Variants in FOXP2 observed in about 807,000 individuals in gnomAD.
FOXP2 encodes the protein forkhead box protein P2.
FOXP2 carries 12 observed loss-of-function variants against 115.8 expected under a neutral mutation model. The ratio of observed to expected loss-of-function variants is 0.10; its 90% CI spans 0.07 to 0.17. FOXP2 has a LOEUF of 0.17. Among genes scored for constraint, FOXP2 ranks in the 10% least tolerant of loss-of-function variants. The pLI is 1.00. For synonymous variants in FOXP2, 328 were observed against 297.7 expected, an observed-to-expected ratio of 1.10 and a Z score of -1.05; for missense variants, 629 against 843.5, an observed-to-expected ratio of 0.75 and a Z score of 3.15.
intron 1 of FOXP2, among the ~76,000 whole-genome samples, chr7:114,262,455 C>G (rs574531331): frequency 1.3e-5 from 2 of 152,162 alleles, no homozygotes; most frequent in African/African-American, 4.8e-5. Context: ...TGGGATCATT[C>G]ATACCCTAAA....
At chr7:114,166,236 A>T (rs1325524508) in intron 1 of FOXP2, among the ~76,000 whole-genome samples, 1 of 152,162 alleles carries the variant, frequency 6.6e-6, no homozygotes, top group Non-Finnish European at 1.5e-5. Context: ...AATATGATCC[A>T]TGAAAAAAAT....
intron 2 of FOXP2, among the ~76,000 whole-genome samples, chr7:114,466,726 T>C (rs1795813608): frequency 6.6e-6 from 1 of 152,180 alleles, no homozygotes. Context: ...TTCCATATTT[T>C]AGGAATCGTT....
At chr7:114,144,477 A>T (rs1457477321) in intron 1 of FOXP2, among the ~76,000 whole-genome samples, 1 of 152,124 alleles carries the variant, frequency 6.6e-6, no homozygotes, top group Admixed American at 6.6e-5. Context: ...AAATATGAGC[A>T]TCATCTTCAG....
chr7:114,570,974 C>A, intron 3 of FOXP2: 1 of 1,021,344 alleles, frequency 9.8e-7, no homozygotes, highest in South Asian at 1.3e-5. Context: ...TTTCTATAGC[C>A]AATCCCTTCC....
chr7:114,288,584 A>G (rs1189174136), intron 2 of FOXP2, among the ~76,000 whole-genome samples: 6 of 151,818 alleles, frequency 4.0e-5, no homozygotes, highest in South Asian at 4.1e-4. Context: ...AGAAAATTTG[A>G]TTTTTCTAAT....
intron 3 of FOXP2, among the ~76,000 whole-genome samples, chr7:114,617,258 C>T (rs534892366): frequency 6.6e-6 from 1 of 152,240 alleles, no homozygotes; most frequent in Non-Finnish European, 1.5e-5. Flanking sequence ...TTTCAGATGC[C>T]TTTGAATCTC....
chr7:114,240,603 T>C (rs1274898644), intron 1 of FOXP2, among the ~76,000 whole-genome samples: 1 of 152,080 alleles, frequency 6.6e-6, no homozygotes, highest in East Asian at 1.9e-4. Context: ...TTCAATCATT[T>C]GTTATTCTAT....
intron 2 of FOXP2, among the ~76,000 whole-genome samples, chr7:114,524,455 C>T (rs1798767068): frequency 6.6e-6 from 1 of 151,910 alleles, no homozygotes; most frequent in Non-Finnish European, 1.5e-5. Flanking sequence ...ATAAAAGTCC[C>T]TTCAGTTATA....
chr7:114,407,559 C>G (rs973635527), intron 2 of FOXP2, among the ~76,000 whole-genome samples: 8 of 151,990 alleles, frequency 5.3e-5, no homozygotes, highest in African/African-American at 1.7e-4. Flanking sequence ...GTGAGAGGCA[C>G]TAGATTACAA....
rs398005920 is a variant in FOXP2 at position 114,378,684 on chromosome 7, C to CAAAAAA, written c.-10-47806_-10-47801dup. 3.6e-3 allele frequency among the ~76,000 whole-genome samples: 65 copies of CAAAAAA among 18,096 alleles called. 6 individuals are homozygous for CAAAAAA. In the East Asian group the frequency reaches 0.13, roughly 35 times the overall value. 11.9% of individuals were successfully genotyped at this position (18,096 alleles called of 152,430 possible). ...GTGAGACAATGTAAGACCCTGTCTC[C>CAAAAAA]AAAAAAAAAAAAAAAAAGGAAAAGA... On this transcript the variant is annotated intron_variant, in intron 2 of 17. Transcript: ENST00000634411.
At chr7:114,486,275 C>T (rs1180698124) in intron 2 of FOXP2, among the ~76,000 whole-genome samples, 1 of 152,064 alleles carries the variant, frequency 6.6e-6, no homozygotes, top group African/African-American at 2.4e-5. Flanking sequence ...GGCAAGAGCA[C>T]ATGTGCAGGG....
At chr7:114,407,450 G>A (rs1258352989) in intron 2 of FOXP2, among the ~76,000 whole-genome samples, 2 of 151,952 alleles carry the variant, frequency 1.3e-5, no homozygotes, top group Non-Finnish European at 2.9e-5. Context: ...AACAAACCTG[G>A]TGCTAACAGT....
rs1002425985 is a variant in FOXP2, at chr7:114,118,571, C to T, written c.-247+30733C>T. Among the ~76,000 whole-genome samples the T allele has an allele frequency of 7.3e-5, 11 of 150,268 alleles. No homozygotes were observed. The East Asian group carries it at 2.0e-3, about 27-fold the overall frequency. On this transcript the variant is annotated intron_variant, in intron 1 of 19. Transcript: ENST00000635638. ...TAGAGATGAATGTAAAATTCTTATA[C>T]ATGTATAAGTTTAGTAGAAGTTCAT...
At chr7:114,509,220 T>C (rs1797959803) in intron 2 of FOXP2, among the ~76,000 whole-genome samples, 1 of 152,052 alleles carries the variant, frequency 6.6e-6, no homozygotes, top group Non-Finnish European at 1.5e-5. Context: ...AGGAAGTCCT[T>C]GGAGGCCTTA....
chr7:114,475,127 A>G (rs1796201862), intron 2 of FOXP2, among the ~76,000 whole-genome samples: 1 of 152,126 alleles, frequency 6.6e-6, no homozygotes, highest in Non-Finnish European at 1.5e-5. Context: ...CTAGAAATCA[A>G]TGTTCAAGTT....
intron 1 of FOXP2, among the ~76,000 whole-genome samples, chr7:114,132,167 A>T (rs544791857): frequency 6.6e-6 from 1 of 152,232 alleles, no homozygotes; most frequent in African/African-American, 2.4e-5. Flanking sequence ...ATTTTAATAA[A>T]CTAATATCGT....
chr7:114,220,482 T>C (rs901471096), intron 1 of FOXP2, among the ~76,000 whole-genome samples: 13 of 152,196 alleles, frequency 8.5e-5, no homozygotes, highest in Non-Finnish European at 2.9e-5. Context: ...GAAAATGTAC[T>C]ATTCTGTTTT....
chr7:114,445,252 T>G (rs1562930749), intron 2 of FOXP2, among the ~76,000 whole-genome samples: 1 of 152,154 alleles, frequency 6.6e-6, no homozygotes, highest in African/African-American at 2.4e-5. Context: ...TGTCATTTCT[T>G]AGAACTATTT....
chr7:114,134,751 A>G (rs1457113167), intron 1 of FOXP2, among the ~76,000 whole-genome samples: 1 of 151,918 alleles, frequency 6.6e-6, no homozygotes, highest in African/African-American at 2.4e-5. Context: ...TGTGACCAGC[A>G]TAATAGACAT....
Sources: gnomAD v4.1 joint callset for allele counts (sites outside exome capture counted in the v4.1 genomes callset) on GRCh38, gnomAD v4.1.1 for gene constraint, MANE v1.5 for transcripts, NCBI Gene and HGNC (gene_info 2026-07-23, HGNC 2026-07-21) for gene names.